The following MMP16 variants were observed in gnomAD, a reference collection of about 807,000 sequenced individuals.
MMP16 encodes matrix metallopeptidase 16.
A neutral mutation model predicts 67.8 loss-of-function variants in MMP16; 12 were observed. The observed-to-expected ratio is 0.18, with a 90% CI of 0.11 to 0.29. The LOEUF (loss-of-function observed/expected upper bound fraction) is 0.29. MMP16 is among the 10% of genes least tolerant of loss of function. The probability of loss-of-function intolerance (pLI) is 1.00; values close to 1 mark genes in which losing one functional copy is unlikely to be tolerated. For synonymous variants in MMP16, 249 were observed against 255.9 expected, an observed-to-expected ratio of 0.97 and a Z score of 0.26; for missense variants, 475 against 765.7, an observed-to-expected ratio of 0.62 and a Z score of 4.48.
At chr8:88,183,289 G>A (rs942546924) in intron 3 of MMP16, among the ~76,000 whole-genome samples, 2 of 152,174 alleles carry the variant, frequency 1.3e-5, no homozygotes, top group Non-Finnish European at 2.9e-5. Flanking sequence ...GAAACCATTT[G>A]TATTGGTGGA....
chr8:88,207,693 G>GC (rs1381899093), intron 1 of MMP16, among the ~76,000 whole-genome samples: 9 of 74,354 alleles, frequency 1.2e-4, no homozygotes, highest in Non-Finnish European at 3.9e-4. Flanking sequence ...AAGGACCATT[G>GC]TTAAAAAAAA....
intron 1 of MMP16, among the ~76,000 whole-genome samples, chr8:88,237,197 A>T (rs1809955565): frequency 6.6e-6 from 1 of 152,214 alleles, no homozygotes; most frequent in African/African-American, 2.4e-5. Context: ...TGACAACAGT[A>T]TTAAAGGTAA....
At chr8:88,047,783 A>G (rs145397735) in intron 8 of MMP16, among the ~76,000 whole-genome samples, 63 of 152,328 alleles carry the variant, frequency 4.1e-4, no homozygotes, top group Non-Finnish European at 2.4e-4. Flanking sequence ...TTGAACAGAG[A>G]AGCTTAAACT....
intron 1 of MMP16, among the ~76,000 whole-genome samples, chr8:88,289,788 CTCT>C (rs1321101412): frequency 1.3e-5 from 2 of 151,508 alleles, no homozygotes; most frequent in African/African-American, 4.9e-5. Context: ...TTCCATTTTC[CTCT>C]TTTTTAAAAA....
intron 7 of MMP16, chr8:88,069,351 C>T: frequency 2.4e-6 from 1 of 409,842 alleles, no homozygotes; most frequent in Non-Finnish European, 5.0e-6. Context: ...TTTAAATTTT[C>T]AATTCCTGAT....
intron 4 of MMP16, among the ~76,000 whole-genome samples, chr8:88,139,873 T>C (rs148058270): frequency 2.6e-4 from 39 of 152,304 alleles, no homozygotes; most frequent in African/African-American, 8.9e-4. Flanking sequence ...GTAATTTAAG[T>C]TCCTATTTTC....
chr8:88,151,503 A>G (rs1365379006), intron 4 of MMP16, among the ~76,000 whole-genome samples: 1 of 148,950 alleles, frequency 6.7e-6, no homozygotes, highest in Non-Finnish European at 1.5e-5. Context: ...CAGAAATTAT[A>G]ACAAACTATC....
At chr8:88,155,502 G>C (rs935086503) in intron 4 of MMP16, among the ~76,000 whole-genome samples, 3 of 151,938 alleles carry the variant, frequency 2.0e-5, no homozygotes, top group Non-Finnish European at 4.4e-5. Flanking sequence ...GCACACTACT[G>C]TCTCATTTTA....
intron 8 of MMP16, among the ~76,000 whole-genome samples, chr8:88,053,869 T>C (rs933802982): frequency 1.3e-5 from 2 of 152,144 alleles, no homozygotes; most frequent in African/African-American, 4.8e-5. Context: ...TATAAAACCA[T>C]AGTCATTTAA....
chr8:88,181,594 T>A (rs372139787), intron 3 of MMP16, among the ~76,000 whole-genome samples: 1 of 151,404 alleles, frequency 6.6e-6, no homozygotes. Context: ...ATAATATTTA[T>A]GTTATTTCCA....
chr8:88,063,623 T>C (rs1290073204), intron 7 of MMP16, among the ~76,000 whole-genome samples: 1 of 152,000 alleles, frequency 6.6e-6, no homozygotes, highest in Non-Finnish European at 1.5e-5. Context: ...GAAAAGTGGC[T>C]GATAATCCAG....
At chr8:88,044,328 CT>C (rs1368347057) in intron 9 of MMP16, among the ~76,000 whole-genome samples, 8 of 152,118 alleles carry the variant, frequency 5.3e-5, no homozygotes, top group African/African-American at 1.9e-4. Flanking sequence ...AAACAAATGT[CT>C]AGTTACTAGG....
rs1057221595 is a variant in MMP16, at chr8:88,117,156, C to T, written c.872-438G>A. 5.3e-5 allele frequency among the ~76,000 whole-genome samples: 8 copies of T among 152,054 alleles called. No individual in the cohort carries two copies. In the East Asian group the frequency reaches 7.7e-4, roughly 15 times the overall value. ...TATTCAAATATTTCCAAAAGATAAACGTTAACTAAGCAAAGTTTATTCTAT... is the reference window on the plus strand; with the variant it reads ...TATTCAAATATTTCCAAAAGATAAATGTTAACTAAGCAAAGTTTATTCTAT... On this transcript the variant is annotated intron_variant, in intron 5 of 9. Transcript: ENST00000286614.
chr8:88,222,655 A>C (rs1230601355), intron 1 of MMP16, among the ~76,000 whole-genome samples: 1 of 152,194 alleles, frequency 6.6e-6, no homozygotes, highest in African/African-American at 2.4e-5. Flanking sequence ...TAGAAAGCTA[A>C]AACTGGATCC....
At chr8:88,241,785 T>A (rs1435490783) in intron 1 of MMP16, among the ~76,000 whole-genome samples, 1 of 152,094 alleles carries the variant, frequency 6.6e-6, no homozygotes, top group African/African-American at 2.4e-5. Flanking sequence ...TGTGTAATGA[T>A]CAAATCAGAG....
Position 88,233,284 on chromosome 8 carries a change from G to A in MMP16, c.133-35978C>T, listed in dbSNP as rs1809890790. Among the ~76,000 whole-genome samples, 3 of 152,046 alleles carry A rather than the reference G, an allele frequency of 2.0e-5. No homozygotes were observed. The South Asian group carries it at 6.2e-4, about 32-fold the overall frequency. On this transcript the variant is annotated intron_variant, in intron 1 of 9. Coordinates refer to ENST00000286614, the MANE Select transcript of MMP16 (RefSeq NM_005941.5). ...AGATAAATTATTTGCATCTAAGGCA[G>A]AAATTTGAGTCCTTTCACTTTATAG...
intron 4 of MMP16, among the ~76,000 whole-genome samples, chr8:88,147,744 T>G (rs1586174675): frequency 6.6e-6 from 1 of 151,892 alleles, no homozygotes; most frequent in Non-Finnish European, 1.5e-5. Context: ...AAATCCTCTC[T>G]TTGGTCCACA....
intron 1 of MMP16, among the ~76,000 whole-genome samples, chr8:88,235,950 T>C (rs897620491): frequency 9.2e-5 from 14 of 151,854 alleles, no homozygotes; most frequent in Non-Finnish European, 7.4e-5. Context: ...CCTCATAAAG[T>C]TCAAGTCAAG....
chr8:88,209,686 T>G (rs79310538), intron 1 of MMP16, among the ~76,000 whole-genome samples: 121,068 of 151,142 alleles, frequency 0.8, 48,763 homozygotes, highest in East Asian at 0.97. Flanking sequence ...TCTCTATGTA[T>G]GTAACTCGTA....
Sources: allele counts gnomAD v4.1 joint callset (sites outside exome capture counted in the v4.1 genomes callset), GRCh38; gene constraint gnomAD v4.1.1; transcripts MANE v1.5; gene names NCBI Gene and HGNC (gene_info 2026-07-23, HGNC 2026-07-21).